PPFIA2: variants seen among roughly 807,000 people sequenced by gnomAD.
The protein encoded by PPFIA2 is PPFI scaffold protein A2.
Under a neutral mutation model 175.5 loss-of-function variants are expected in PPFIA2, and 46 were observed. The ratio of observed to expected loss-of-function variants is 0.26; its 90% CI spans 0.21 to 0.34. The LOEUF (loss-of-function observed/expected upper bound fraction) is 0.34, where lower values mean the gene tolerates loss of function less well. PPFIA2 is among the 10% of genes least tolerant of loss of function. The probability of loss-of-function intolerance (pLI) is 1.00; values close to 1 mark genes in which losing one functional copy is unlikely to be tolerated. For synonymous variants in PPFIA2, 568 were observed against 511.4 expected (o/e 1.11, Z -1.49); for missense variants, 1,179 against 1,506.1 (o/e 0.78, Z 3.60).
At chr12:81,531,408 G>A (rs1035415226) in intron 4 of PPFIA2, among the ~76,000 whole-genome samples, 3 of 151,674 alleles carry the variant, frequency 2.0e-5, no homozygotes, top group South Asian at 2.1e-4. Flanking sequence ...AATCACACAT[G>A]CAGAAAAAAG....
Position 81,344,650 on chromosome 12 carries a change from G to A in PPFIA2, c.2262+14C>T. On this transcript the variant is annotated intron_variant, in intron 19 of 32. Transcript: ENST00000549396. ...GTATTCAATTCGTAATGATGTAAAA[G>A]TTATTTACTGTACCTTTCTCCGATG... 1 of 1,540,248 alleles carries A rather than the reference G, an allele frequency of 6.5e-7. No homozygotes were observed. The highest frequency in any genetic ancestry group is 2.4e-5 in the East Asian group (1 of 42,384).
chr12:81,505,169 A>G (rs2061012822), intron 4 of PPFIA2, among the ~76,000 whole-genome samples: 1 of 152,054 alleles, frequency 6.6e-6, no homozygotes, highest in African/African-American at 2.4e-5. Flanking sequence ...TTAATGTGCA[A>G]CTAGGTTTAA....
intron 21 of PPFIA2, among the ~76,000 whole-genome samples, chr12:81,330,921 A>G (rs1189250540): frequency 6.6e-6 from 1 of 152,252 alleles, no homozygotes; most frequent in Non-Finnish European, 1.5e-5. Flanking sequence ...TAACAAATAC[A>G]GTCATAATTG....
At chr12:81,571,426 C>T (rs1002779965) in intron 4 of PPFIA2, among the ~76,000 whole-genome samples, 1 of 152,098 alleles carries the variant, frequency 6.6e-6, no homozygotes, top group Non-Finnish European at 1.5e-5. Flanking sequence ...CTACCAGCAA[C>T]GTAACCGAGC....
At chr12:81,451,830 A>G (rs932614345) in intron 5 of PPFIA2, among the ~76,000 whole-genome samples, 6 of 152,168 alleles carry the variant, frequency 3.9e-5, no homozygotes, top group African/African-American at 1.4e-4. Flanking sequence ...GGCCTAATTT[A>G]AGGTTAAAAA....
chr12:81,542,073 A>G (rs1173963328), intron 4 of PPFIA2, among the ~76,000 whole-genome samples: 1 of 152,160 alleles, frequency 6.6e-6, no homozygotes, highest in East Asian at 1.9e-4. Context: ...ACTTACGAAC[A>G]TTACCTTATA....
At position 81,642,734 on chromosome 12, in the gene PPFIA2, T is replaced by TGTATATATTATATAC. The variant is rs1567688409; in HGVS notation, c.303+34056_303+34057insGTATATAATATATAC. On this transcript the variant is annotated intron_variant, in intron 4 of 32. Transcript: ENST00000549396. Reference sequence around the variant, plus strand: ...TGTATGTATTATATACATACATGTATATGTATGTATGTATTATATACATAC... The same window carrying TGTATATATTATATAC: ...TGTATGTATTATATACATACATGTATGTATATATTATATACATGTATGTATGTATTATATACATAC... Among the ~76,000 whole-genome samples the TGTATATATTATATAC allele has an allele frequency of 5.6e-4, 5 of 8,972 alleles. 1 individual carries two copies. Among genetic ancestry groups the TGTATATATTATATAC allele is most frequent in the African/African-American group, 1.7e-3 (5 of 2,938 alleles). 5.9% of individuals were successfully genotyped at this position (8,972 alleles called of 152,430 possible). A position where few individuals can be genotyped will look rare whatever the true frequency, so the allele number is the denominator to read the frequency against.
chr12:81,396,058 T>G (rs931173900), intron 8 of PPFIA2, among the ~76,000 whole-genome samples: 3 of 152,196 alleles, frequency 2.0e-5, no homozygotes, highest in African/African-American at 7.2e-5. Context: ...GAAGAAAATT[T>G]TCTCCTTGGC....
intron 8 of PPFIA2, among the ~76,000 whole-genome samples, chr12:81,398,694 G>C (rs2041604413): frequency 6.6e-6 from 1 of 152,008 alleles, no homozygotes; most frequent in South Asian, 2.1e-4. Flanking sequence ...AGACAAGTTT[G>C]AAAAACAATT....
intron 22 of PPFIA2, among the ~76,000 whole-genome samples, chr12:81,321,989 A>G (rs1013701642): frequency 2.6e-5 from 4 of 152,054 alleles, no homozygotes; most frequent in Non-Finnish European, 5.9e-5. Flanking sequence ...ACATGCCATC[A>G]TGTCTGTCTA....
At chr12:81,506,214 T>C (rs2061153793) in intron 4 of PPFIA2, 1 of 152,232 alleles carries the variant, frequency 6.6e-6, no homozygotes, top group African/African-American at 2.4e-5. Context: ...ACCTCAGTTA[T>C]AACTTTTATT....
chr12:81,331,242 C>G (rs1282824144), intron 21 of PPFIA2, among the ~76,000 whole-genome samples: 1 of 152,156 alleles, frequency 6.6e-6, no homozygotes, highest in Non-Finnish European at 1.5e-5. Context: ...CATTGTGTTA[C>G]GATTGCCTAC....
intron 28 of PPFIA2, among the ~76,000 whole-genome samples, chr12:81,268,684 A>G (rs11831628): frequency 6.6e-6 from 1 of 152,206 alleles, no homozygotes; most frequent in Non-Finnish European, 1.5e-5. Context: ...TTGTTTTCAT[A>G]CTAGAGAACT....
chr12:81,680,332 G>A (rs879675827), intron 3 of PPFIA2, among the ~76,000 whole-genome samples: 7 of 151,896 alleles, frequency 4.6e-5, no homozygotes, highest in Non-Finnish European at 1.0e-4. Flanking sequence ...ATAAACTTAT[G>A]TTAGTTAATT....
intron 4 of PPFIA2, among the ~76,000 whole-genome samples, chr12:81,665,158 C>T (rs902569092): frequency 6.6e-6 from 1 of 151,906 alleles, no homozygotes; most frequent in Non-Finnish European, 1.5e-5. Context: ...GCACGTTGTG[C>T]ACATGTACCC....
chr12:81,496,030 T>C (rs1487730571), intron 4 of PPFIA2, among the ~76,000 whole-genome samples: 1 of 152,204 alleles, frequency 6.6e-6, no homozygotes, highest in Non-Finnish European at 1.5e-5. Context: ...AATTGAGAAC[T>C]ACTTCACAGA....
intron 6 of PPFIA2, among the ~76,000 whole-genome samples, chr12:81,444,992 T>C (rs1010168256): frequency 6.6e-6 from 1 of 152,130 alleles, no homozygotes; most frequent in Non-Finnish European, 1.5e-5. Context: ...CTTTTAAAAA[T>C]ATCTAAACAC....
rs181381236 is a variant in PPFIA2, at chr12:81,451,984, T to C, written c.405+5781A>G. ...ACAGAAAGTACAAATGGAACTCTCTTTGGTATACTCAAAGGATTGTAGAGA... is the reference window on the plus strand; with the variant it reads ...ACAGAAAGTACAAATGGAACTCTCTCTGGTATACTCAAAGGATTGTAGAGA... On this transcript the variant is annotated intron_variant, in intron 5 of 32. Transcript: ENST00000549396. Among the ~76,000 whole-genome samples the C allele has an allele frequency of 5.8e-4, 89 of 152,266 alleles. 1 individual carries two copies. Among genetic ancestry groups the C allele is most frequent in the Admixed American group, 1.6e-3 (24 of 15,300 alleles).
chr12:81,526,525 C>A (rs2063751183), intron 4 of PPFIA2, among the ~76,000 whole-genome samples: 1 of 152,290 alleles, frequency 6.6e-6, no homozygotes. Context: ...GTTGCTTTAA[C>A]ATATAGTCCT....
Sources: allele counts gnomAD v4.1 joint callset (sites outside exome capture counted in the v4.1 genomes callset), GRCh38; gene constraint gnomAD v4.1.1; transcripts MANE v1.5; gene names NCBI Gene and HGNC (gene_info 2026-07-23, HGNC 2026-07-21).